Variants in STAB2 observed in about 807,000 individuals in gnomAD.
STAB2 encodes the protein stabilin 2, also known as stabilin-2.
STAB2 carries 288 observed loss-of-function variants against 338.1 expected under a neutral mutation model. The ratio of observed to expected loss-of-function variants is 0.85; its 90% CI spans 0.77 to 0.94. The LOEUF is 0.94. STAB2 is among the 40% of genes least tolerant of loss of function. The pLI is 0.00. For synonymous variants in STAB2, 1,202 were observed against 1,193.3 expected, an observed-to-expected ratio of 1.01 and a Z score of -0.15; for missense variants, 3,141 against 3,210.1, an observed-to-expected ratio of 0.98 and a Z score of 0.52.
chr12:103,629,023 T>C (rs758717840), intron 5 of STAB2, among the ~76,000 whole-genome samples: 22 of 152,316 alleles, frequency 1.4e-4, no homozygotes, highest in Admixed American at 5.2e-4. Context: ...GTTGTTGGTA[T>C]TGTTACAGGG....
At chr12:103,739,582 C>G in intron 54 of STAB2, 114 bp downstream of exon 54, 1 of 704,820 alleles carries the variant, frequency 1.4e-6, no homozygotes, top group East Asian at 3.1e-5. Context: ...TGCCCGTGCA[C>G]GTATGTTGCA....
At chr12:103,592,759 GTTA>G (rs896232790) in intron 2 of STAB2, among the ~76,000 whole-genome samples, 3 of 152,102 alleles carry the variant, frequency 2.0e-5, no homozygotes, top group Admixed American at 6.5e-5. Flanking sequence ...CATATATTAT[GTTA>G]TTGTTTAGGC....
chr12:103,646,505 T>C (rs1351397899), intron 9 of STAB2, among the ~76,000 whole-genome samples: 1 of 152,178 alleles, frequency 6.6e-6, no homozygotes, highest in African/African-American at 2.4e-5. Context: ...TTTCCTTATC[T>C]CTCTATCAAC....
At chr12:103,617,979 G>A (rs879524871) in intron 3 of STAB2, among the ~76,000 whole-genome samples, 5 of 152,178 alleles carry the variant, frequency 3.3e-5, no homozygotes, top group Non-Finnish European at 5.9e-5. Flanking sequence ...TCTACAGATG[G>A]ATATGACTCC....
chr12:103,664,183 G>A (rs1476746874), intron 18 of STAB2, among the ~76,000 whole-genome samples: 1 of 151,670 alleles, frequency 6.6e-6, no homozygotes, highest in Non-Finnish European at 1.5e-5. Context: ...TCGCTCTGTT[G>A]CCCAGGCTGG....
At chr12:103,675,267 A>G (rs1237432089) in intron 23 of STAB2, among the ~76,000 whole-genome samples, 1 of 152,198 alleles carries the variant, frequency 6.6e-6, no homozygotes, top group Non-Finnish European at 1.5e-5. Context: ...TTTAATAGTA[A>G]AAGTGTCATC....
chr12:103,748,732 G>C (rs1883308087), intron 58 of STAB2, among the ~76,000 whole-genome samples: 1 of 152,020 alleles, frequency 6.6e-6, no homozygotes, highest in Non-Finnish European at 1.5e-5. Flanking sequence ...ATATGACAAA[G>C]GGGGCAGAAG....
At chr12:103,744,845 G>A (rs573348444) in intron 56 of STAB2, among the ~76,000 whole-genome samples, 5 of 152,090 alleles carry the variant, frequency 3.3e-5, no homozygotes, top group Admixed American at 6.5e-5. Context: ...TGTTCATTGC[G>A]TACCCCATGA....
chr12:103,705,505 C>A, intron 36 of STAB2, 127 bp from the exon 37 acceptor site: 1 of 721,384 alleles, frequency 1.4e-6, no homozygotes, highest in Non-Finnish European at 2.3e-6. Flanking sequence ...TGCCAACAAG[C>A]CACCACCTTC....
Position 103,692,072 on chromosome 12 carries a change from G to A in STAB2, c.3298-740G>A, listed in dbSNP as rs958950129. On this transcript the variant is annotated intron_variant, in intron 30 of 68. Transcript: ENST00000388887. Reference sequence around the variant, plus strand: ...ACAGACTGGGAGGCTTAAACAACAGGCATTTATTTTCTCACAGTTCTGAAG... The same window carrying A: ...ACAGACTGGGAGGCTTAAACAACAGACATTTATTTTCTCACAGTTCTGAAG... Among the ~76,000 whole-genome samples, 5 of 152,330 alleles carry A rather than the reference G, an allele frequency of 3.3e-5. No individual in the cohort carries two copies. In the South Asian group the frequency reaches 8.3e-4, roughly 25 times the overall value.
At chr12:103,714,324 A>G (rs117462820) in intron 42 of STAB2, among the ~76,000 whole-genome samples, 6,216 of 152,348 alleles carry the variant, frequency 0.041, 169 homozygotes, top group Non-Finnish European at 0.059. Context: ...TTAACTGTTT[A>G]GTTAGAAAAA....
intron 5 of STAB2, among the ~76,000 whole-genome samples, chr12:103,629,775 T>C (rs1957432551): frequency 6.6e-6 from 1 of 152,224 alleles, no homozygotes; most frequent in Admixed American, 6.5e-5. Context: ...TCCCAGTGCA[T>C]TGTGATTGGC....
chr12:103,737,554 G>A (rs1477462867), intron 52 of STAB2, 80 bp from the exon 53 acceptor site: 24 of 1,449,278 alleles, frequency 1.7e-5, no homozygotes, highest in Non-Finnish European at 2.0e-5. Flanking sequence ...AAGAAGAGAT[G>A]TGTGAAAGAG....
At chr12:103,668,606 G>T in intron 19 of STAB2, 37 bp from the exon 20 acceptor site, 1 of 1,542,620 alleles carries the variant, frequency 6.5e-7, no homozygotes, top group Non-Finnish European at 8.8e-7. Flanking sequence ...ACCTAAACAT[G>T]CTGACTGCCA....
At chr12:103,737,826 G>C (rs1832632932) in intron 53 of STAB2, 46 bp downstream of exon 53, 1 of 1,610,040 alleles carries the variant, frequency 6.2e-7, no homozygotes, top group Non-Finnish European at 8.5e-7. Context: ...TTAAGCCAAA[G>C]AATGGCCCTC....
At chr12:103,741,606 A>G (rs1481895895) in intron 55 of STAB2, among the ~76,000 whole-genome samples, 1 of 152,170 alleles carries the variant, frequency 6.6e-6, no homozygotes, top group Non-Finnish European at 1.5e-5. Flanking sequence ...GGCACATGCC[A>G]CAAGACTCAG....
chr12:103,742,450 GC>G lies in STAB2; in HGVS notation c.5929del (p.Asp1978IlefsTer147). On this transcript the variant is annotated frameshift_variant, in exon 56 of 69. Coordinates refer to ENST00000388887, the MANE Select transcript of STAB2 (RefSeq NM_017564.10). LOFTEE classifies it high-confidence loss of function. ...PDAPCNNRGV[C>X]LDQYSATGEC... The stretch of plus-strand genomic sequence containing the variant: ...GCCCCGTGTAATAACCGGGGTGTCT[GC>G]CTTGATCAGTACTCGGCCACCGGAG... 4.3e-6 allele frequency: 7 copies of G among 1,614,114 alleles called. No homozygotes were observed. The highest frequency in any genetic ancestry group is 5.9e-6 in the Non-Finnish European group (7 of 1,180,028).
In STAB2 at chr12:103,749,007, G is replaced by C; in HGVS notation, c.6289G>C (p.Ala2097Pro). 1 of 1,614,108 alleles carries C rather than the reference G, an allele frequency of 6.2e-7. No individual in the cohort carries two copies. The highest frequency in any genetic ancestry group is 8.5e-7 in the Non-Finnish European group (1 of 1,180,026). Residue 2097 changes from alanine to proline, a missense_variant, in exon 59 of 69, where the codon GCC becomes CCC. Transcript: ENST00000388887. The part of the protein sequence containing the change: ...KQDNGGCAKV[A>P]RCSQKGTKVS... ...GGACAACGGGGGCTGTGCAAAGGTG[G>C]CCAGATGCTCCCAGAAGGGCACGAA...
chr12:103,597,393 C>A (rs1203266783), intron 3 of STAB2, among the ~76,000 whole-genome samples: 1 of 152,124 alleles, frequency 6.6e-6, no homozygotes, highest in African/African-American at 2.4e-5. Context: ...AATGCATTGA[C>A]AAATACATTC....
Sources: allele counts gnomAD v4.1 joint callset (sites outside exome capture counted in the v4.1 genomes callset), GRCh38; gene constraint gnomAD v4.1.1; transcripts MANE v1.5; gene names NCBI Gene and HGNC (gene_info 2026-07-23, HGNC 2026-07-21).